Variants in RELN observed in about 807,000 individuals in gnomAD.
RELN encodes reelin.
In RELN, 108 loss-of-function variants were observed where a neutral mutation model predicts 427.6. The ratio of observed to expected loss-of-function variants is 0.25; its 90% confidence interval spans 0.22 to 0.30. RELN has a LOEUF of 0.30. RELN is among the 10% of genes least tolerant of loss of function. RELN has a pLI of 1.00. For synonymous variants in RELN, 1,524 were observed against 1,513.4 expected, an observed-to-expected ratio of 1.01 and a Z score of -0.16; for missense variants, 3,715 against 4,302.8, an observed-to-expected ratio of 0.86 and a Z score of 3.82.
intron 58 of RELN, 51 bp from the exon 59 acceptor site, chr7:103,490,880 T>C: frequency 6.3e-7 from 1 of 1,578,162 alleles, no homozygotes; most frequent in Non-Finnish European, 8.7e-7. Context: ...AAACATATAA[T>C]CTGTTAATGT....
intron 10 of RELN, among the ~76,000 whole-genome samples, chr7:103,692,436 CTCT>C (rs200637683): frequency 2.2e-4 from 33 of 152,160 alleles, no homozygotes; most frequent in Admixed American, 1.8e-3. Flanking sequence ...TGCCTCTTGC[CTCT>C]TCTTCTTCTT....
chr7:103,553,631 G>A (rs1458905174), intron 39 of RELN, 29 bp downstream of exon 39: 1 of 1,612,914 alleles, frequency 6.2e-7, no homozygotes, highest in Non-Finnish European at 8.5e-7. Flanking sequence ...ATACAGCAGT[G>A]GTTTTATTTT....
intron 1 of RELN, among the ~76,000 whole-genome samples, chr7:103,922,588 G>A (rs1352865248): frequency 6.6e-6 from 1 of 152,112 alleles, no homozygotes; most frequent in Non-Finnish European, 1.5e-5. Context: ...AAAACATGAT[G>A]TAGTGACACA....
intron 2 of RELN, among the ~76,000 whole-genome samples, chr7:103,861,342 T>C (rs970424980): frequency 1.3e-5 from 2 of 152,156 alleles, no homozygotes; most frequent in East Asian, 1.9e-4. Context: ...CTACAAATTA[T>C]TGCATTATTA....
At chr7:103,496,428 G>T in intron 56 of RELN, 98 bp downstream of exon 56, 1 of 1,481,066 alleles carries the variant, frequency 6.8e-7, no homozygotes, top group African/African-American at 1.4e-5. Context: ...TATGGGCTAG[G>T]CACTCTTATA....
At chr7:103,965,921 T>G (rs1329940829) in intron 1 of RELN, among the ~76,000 whole-genome samples, 1 of 152,212 alleles carries the variant, frequency 6.6e-6, no homozygotes, top group Non-Finnish European at 1.5e-5. Flanking sequence ...GAATTATTCA[T>G]AGCTATATAT....
rs1793095648 is a variant in RELN, at chr7:103,824,817, G to C, written c.473+8720C>G. On this transcript the variant is annotated intron_variant, in intron 3 of 64. Coordinates refer to ENST00000428762, the MANE Select transcript of RELN (RefSeq NM_005045.4). This position sits in a 1 kb window ranked among gnomAD's most constrained non-coding sequence, Gnocchi z 4.4. ...ATTGTACCACAGAAACAAATATTTT[G>C]TTTATGTCACTTAATATTCCAAGCA... Among the ~76,000 whole-genome samples, 1 of 151,820 alleles carries C rather than the reference G, an allele frequency of 6.6e-6. No individual in the cohort carries two copies. The highest frequency in any genetic ancestry group is 2.4e-5 in the African/African-American group (1 of 41,332).
intron 22 of RELN, 36 bp downstream of exon 22, chr7:103,610,659 T>A (rs1175760358): frequency 9.6e-7 from 1 of 1,042,330 alleles, no homozygotes; most frequent in Non-Finnish European, 1.5e-6. Flanking sequence ...ATAGTCAAAG[T>A]TAAAGTGACA....
chr7:103,527,117 C>T (rs985456716), intron 46 of RELN, among the ~76,000 whole-genome samples: 1 of 152,212 alleles, frequency 6.6e-6, no homozygotes, highest in Non-Finnish European at 1.5e-5. Context: ...TCTCCCTACA[C>T]TACCTCCGCA....
At chr7:103,881,043 A>G (rs1408115658) in intron 2 of RELN, among the ~76,000 whole-genome samples, 1 of 152,104 alleles carries the variant, frequency 6.6e-6, no homozygotes, top group African/African-American at 2.4e-5. Context: ...AAAGCATGCC[A>G]AGGACTCTTT....
At chr7:103,695,035 C>G (rs971465659) in intron 10 of RELN, among the ~76,000 whole-genome samples, 2 of 152,008 alleles carry the variant, frequency 1.3e-5, no homozygotes, top group East Asian at 3.9e-4. Context: ...CAAAATAAAA[C>G]AATGTTTTAA....
intron 2 of RELN, among the ~76,000 whole-genome samples, chr7:103,902,444 G>T (rs1196386373): frequency 6.6e-6 from 1 of 151,978 alleles, no homozygotes; most frequent in African/African-American, 2.4e-5. Context: ...CAAGTGGAGA[G>T]GAACTTTTCT....
intron 1 of RELN, among the ~76,000 whole-genome samples, chr7:103,941,259 C>T (rs930009636): frequency 1.3e-5 from 2 of 152,202 alleles, no homozygotes; most frequent in African/African-American, 4.8e-5. Flanking sequence ...CTTACTCTGA[C>T]CATAAATCCC....
chr7:103,566,419 T>C lies in RELN; in HGVS notation c.4748-7A>G. 1 of 1,613,720 alleles carries C rather than the reference T, an allele frequency of 6.2e-7. No individual in the cohort carries two copies. Among genetic ancestry groups the C allele is most frequent in the Non-Finnish European group, 8.5e-7 (1 of 1,179,654 alleles). Reference sequence around the variant, plus strand: ...CACTGGGCTGAATGCTTCCCTGCAATCAGATGAATAAAGGTGGTTAGAGAA... The same window carrying C: ...CACTGGGCTGAATGCTTCCCTGCAACCAGATGAATAAAGGTGGTTAGAGAA... On this transcript the variant is annotated splice_polypyrimidine_tract_variant and splice_region_variant and intron_variant, in intron 32 of 64. Transcript: ENST00000428762.
At chr7:103,928,010 AT>A (rs66776547) in intron 1 of RELN, among the ~76,000 whole-genome samples, 10 of 151,908 alleles carry the variant, frequency 6.6e-5, no homozygotes, top group African/African-American at 2.4e-4. Context: ...TGATTTGTTG[AT>A]TTTTTTTATT....
chr7:103,497,883 T>C lies in RELN; in HGVS notation c.8887A>G (p.Thr2963Ala). The C allele has an allele frequency of 6.2e-7, 1 of 1,614,022 alleles. No individual in the cohort carries two copies. The highest frequency in any genetic ancestry group is 8.5e-7 in the Non-Finnish European group (1 of 1,180,006). The change falls in exon 55 of 65, where the codon ACC becomes GCC. Residue 2963 changes from threonine to alanine, a missense_variant. By Grantham distance (58) the Thr-to-Ala change is moderately conservative. Around this residue, in one of 4 missense-constraint regions of RELN, gnomAD observed 1,310 missense variants for 1,643.0 expected, o/e 0.80. Coordinates refer to ENST00000428762, the MANE Select transcript of RELN (RefSeq NM_005045.4). ...WGRIGSENNM[T>A]SCHRPICRKE... ...CGGCAGATGGGACGATGGCAAGAGG[T>C]CATGTTGTTCTCACTACCGATGCGC... is the stretch of plus-strand genomic sequence containing the variant.
chr7:103,549,857 T>C (rs1830375450), intron 41 of RELN, among the ~76,000 whole-genome samples: 1 of 152,218 alleles, frequency 6.6e-6, no homozygotes, highest in Non-Finnish European at 1.5e-5. Flanking sequence ...AAAAACTTTT[T>C]CCTGGATTAT....
chr7:103,520,981 T>A (rs1239808052), intron 48 of RELN, among the ~76,000 whole-genome samples: 2 of 131,552 alleles, frequency 1.5e-5, no homozygotes, highest in Non-Finnish European at 3.3e-5. Flanking sequence ...TTTTTTTTTT[T>A]TTTTTTGAGA....
At chr7:103,734,813 T>C (rs2115972842) in intron 6 of RELN, among the ~76,000 whole-genome samples, 1 of 152,342 alleles carries the variant, frequency 6.6e-6, no homozygotes, top group East Asian at 1.9e-4. Context: ...ATGTTTATCA[T>C]TTTGACGGTG....
Sources: gnomAD v4.1 joint callset for allele counts (sites outside exome capture counted in the v4.1 genomes callset) on GRCh38, gnomAD v4.1.1 for gene constraint, gnomAD v4.1.1 regional missense constraint, Gnocchi (gnomAD v3.1) non-coding constraint, MANE v1.5 for transcripts, NCBI Gene and HGNC (gene_info 2026-07-23, HGNC 2026-07-21) for gene names.